Variants in NECAB2 observed in about 807,000 individuals in gnomAD.
The protein encoded by NECAB2 is N-terminal EF-hand calcium-binding protein 2.
A neutral mutation model predicts 51.9 loss-of-function variants in NECAB2; 68 were observed. That is an observed-to-expected ratio of 1.31 (90% CI 1.08 to 1.60). The LOEUF is 1.60. Ranked by LOEUF, NECAB2 falls within the 40% of genes most tolerant of loss-of-function variation. NECAB2 has a pLI of 0.00. For synonymous variants in NECAB2, 329 were observed against 203.5 expected, an observed-to-expected ratio of 1.62 and a Z score of -5.25; for missense variants, 854 against 490.3, an observed-to-expected ratio of 1.74 and a Z score of -7.00.
Position 83,988,519 on chromosome 16 carries a change from A to G in NECAB2, c.460-1975A>G, listed in dbSNP as rs1489800862. 2.6e-5 allele frequency among the ~76,000 whole-genome samples: 4 copies of G among 152,202 alleles called. No individual in the cohort carries two copies. The East Asian group carries it at 5.8e-4, about 22-fold the overall frequency. On this transcript the variant is annotated intron_variant, in intron 5 of 12. Transcript: ENST00000305202. ...CCAATATAGTTGAAATTAAACCATT[A>G]GTGGTTAATGTTTTTATTTCCTAAC... is the stretch of plus-strand genomic sequence containing the variant.
intron 5 of NECAB2, among the ~76,000 whole-genome samples, chr16:83,982,524 G>A (rs1385515799): frequency 2.0e-5 from 3 of 152,194 alleles, no homozygotes; most frequent in African/African-American, 7.2e-5. Context: ...CAAACAGGCT[G>A]TGTGAGGTCA....
intron 2 of NECAB2, 31 bp downstream of exon 2, chr16:83,972,206 C>G (rs373121109): frequency 1.9e-6 from 3 of 1,613,456 alleles, no homozygotes; most frequent in African/African-American, 2.7e-5. Flanking sequence ...GACGGCCGCC[C>G]CACTCCTTCT....
At chr16:84,001,667 G>C (rs1297065073) in intron 11 of NECAB2, among the ~76,000 whole-genome samples, 158 bp from the exon 12 acceptor site, 1 of 104,358 alleles carries the variant, frequency 9.6e-6, no homozygotes, top group Admixed American at 8.0e-5. Flanking sequence ...CAGCCTCCCT[G>C]GGCACCCCCT....
intron 12 of NECAB2, among the ~76,000 whole-genome samples, 161 bp downstream of exon 12, chr16:84,002,077 C>G (rs2151105083): frequency 6.6e-6 from 1 of 152,278 alleles, no homozygotes; most frequent in South Asian, 2.1e-4. Flanking sequence ...TGAGGTGGCC[C>G]CACATACAGG....
intron 5 of NECAB2, among the ~76,000 whole-genome samples, chr16:83,989,896 C>T (rs981556462): frequency 6.6e-6 from 1 of 152,192 alleles, no homozygotes; most frequent in African/African-American, 2.4e-5. Flanking sequence ...CTGGCCACCT[C>T]CTTTTGATTA....
intron 1 of NECAB2, among the ~76,000 whole-genome samples, chr16:83,969,464 G>C (rs939886984): frequency 6.6e-6 from 1 of 151,786 alleles, no homozygotes; most frequent in African/African-American, 2.4e-5. Flanking sequence ...GTACCCCTCT[G>C]GTCTTCCCCA....
Position 84,000,766 on chromosome 16 carries a change from C to CTA in NECAB2, c.1007_1008dup (p.Glu337MetfsTer30). The CTA allele has an allele frequency of 6.2e-7, 1 of 1,613,858 alleles. No homozygotes were observed. Among genetic ancestry groups the CTA allele is most frequent in the Non-Finnish European group, 8.5e-7 (1 of 1,179,998 alleles). The stretch of plus-strand genomic sequence containing the variant: ...TCTCAGATGGCTTCACCTTTGTCAT[C>CTA]TATGAGTTCTGGGAGACAGAGGAGG... On this transcript the variant is annotated frameshift_variant, in exon 11 of 13. Coordinates refer to ENST00000305202, the MANE Select transcript of NECAB2 (RefSeq NM_019065.3). LOFTEE classifies it high-confidence loss of function.
At chr16:83,975,841 T>C (rs2084402235) in intron 2 of NECAB2, among the ~76,000 whole-genome samples, 1 of 152,196 alleles carries the variant, frequency 6.6e-6, no homozygotes, top group South Asian at 2.1e-4. Context: ...GCTTGGGGTC[T>C]CTGGCAAAAG....
At chr16:83,983,293 G>A (rs2084512131) in intron 5 of NECAB2, among the ~76,000 whole-genome samples, 1 of 152,148 alleles carries the variant, frequency 6.6e-6, no homozygotes, top group Non-Finnish European at 1.5e-5. Flanking sequence ...TATTAAGAGT[G>A]CCGTTGTCTC....
chr16:83,987,363 A>C (rs1477888543), intron 5 of NECAB2, among the ~76,000 whole-genome samples: 2 of 152,122 alleles, frequency 1.3e-5, no homozygotes, highest in African/African-American at 2.4e-5. Flanking sequence ...TTGTGTTTCT[A>C]ATGGTTTTCC....
In NECAB2 at chr16:84,001,824, G is replaced by A. The variant is rs780005521; in HGVS notation, c.1041-1G>A. ...GACTCACACATGTCCCTGCGTCACA[G>A]GCACCTGCAGAGCCCCCTGTGTAAG... On this transcript the variant is annotated splice_acceptor_variant, in intron 11 of 12. Coordinates refer to ENST00000305202, the MANE Select transcript of NECAB2 (RefSeq NM_019065.3). LOFTEE classifies it high-confidence loss of function. The A allele has an allele frequency of 3.8e-5, 61 of 1,613,872 alleles. No homozygotes were observed. The highest frequency in any genetic ancestry group is 5.2e-5 in the Non-Finnish European group (61 of 1,179,922).
At chr16:83,998,828 G>A (rs2084762143) in intron 10 of NECAB2, among the ~76,000 whole-genome samples, 1 of 150,324 alleles carries the variant, frequency 6.7e-6, no homozygotes. Context: ...GAGATGTCCA[G>A]GGCGGGGCAA....
chr16:83,991,060 C>T lies in NECAB2; in HGVS notation c.596+430C>T, dbSNP rs59435296. Among the ~76,000 whole-genome samples, 1,251 of 152,280 alleles carry T rather than the reference C, an allele frequency of 8.2e-3. 17 individuals are homozygous for T. The highest frequency in any genetic ancestry group is 0.029 in the African/African-American group (1,200 of 41,558). ...GCAGTGGCGTGATTTTGGCTCACTA[C>T]AACCTCTCCCTCCCTGGGTTCAAGC... On this transcript the variant is annotated intron_variant, in intron 6 of 12. Coordinates refer to ENST00000305202, the MANE Select transcript of NECAB2 (RefSeq NM_019065.3).
intron 10 of NECAB2, among the ~76,000 whole-genome samples, 171 bp from the exon 11 acceptor site, chr16:84,000,553 A>T (rs565712684): frequency 2.4e-4 from 36 of 152,338 alleles, no homozygotes; most frequent in African/African-American, 7.9e-4. Flanking sequence ...GCCAGGCCTT[A>T]TTCCCTGTGC....
rs968981580 is a variant in NECAB2, at chr16:83,968,525, C to T, written c.-124C>T. On this transcript the variant is annotated 5_prime_UTR_variant, in exon 1 of 13. Transcript: ENST00000305202. ...CGGCCAGTCCCCGCGGTGTCCGCGG[C>T]CGCGGGGGCAGCGGGAGAGAGGGCG... 12 of 814,288 alleles carry T rather than the reference C, an allele frequency of 1.5e-5. No individual in the cohort carries two copies. Among genetic ancestry groups the T allele is most frequent in the Non-Finnish European group, 1.6e-5 (11 of 676,958 alleles). The allele number at this position is 814,288 out of a possible 1,614,324, so 50.4% of individuals were successfully genotyped here.
rs2084313484 is a variant in NECAB2, at chr16:83,968,572, G to A, written c.-77G>A. ...GGCGGGGCGGCGCGGGCAGCGCGGGGAGGGGGTCGCGCGGGGGCGGGCCGC... is the reference window on the plus strand; with the variant it reads ...GGCGGGGCGGCGCGGGCAGCGCGGGAAGGGGGTCGCGCGGGGGCGGGCCGC... On this transcript the variant is annotated 5_prime_UTR_variant, in exon 1 of 13. Transcript: ENST00000305202. The A allele has an allele frequency of 1.0e-6, 1 of 958,976 alleles. No homozygotes were observed. The highest frequency in any genetic ancestry group is 4.6e-5 in the South Asian group (1 of 21,576). The allele number at this position is 958,976 out of a possible 1,614,324, so 59.4% of individuals were successfully genotyped here. A position where few individuals can be genotyped will look rare whatever the true frequency, so the allele number is the denominator to read the frequency against.
intron 1 of NECAB2, among the ~76,000 whole-genome samples, chr16:83,970,592 C>A (rs192203085): frequency 5.3e-5 from 8 of 152,160 alleles, no homozygotes; most frequent in Non-Finnish European, 1.2e-4. Context: ...GTCCTTTACC[C>A]CAAGGCGAGG....
chr16:83,968,710 C>T lies in NECAB2; in HGVS notation c.62C>T (p.Pro21Leu). 9.9e-7 allele frequency: 1 copy of T among 1,009,800 alleles called. No individual in the cohort carries two copies. Among genetic ancestry groups the T allele is most frequent in the Non-Finnish European group, 1.2e-6 (1 of 848,238 alleles). 62.6% of individuals were successfully genotyped at this position (1,009,800 alleles called of 1,614,324 possible). A position where few individuals can be genotyped will look rare whatever the true frequency, so the allele number is the denominator to read the frequency against. ...GCGCACAGGCTGCTCCGGGAGCCGCCGCAGCAGGGCCGGGCGCTGGGCGGG... is the reference window on the plus strand; with the variant it reads ...GCGCACAGGCTGCTCCGGGAGCCGCTGCAGCAGGGCCGGGCGCTGGGCGGG... ...AGAHRLLREP[P>L]QQGRALGGLL... The change falls in exon 1 of 13, where the codon CCG (proline) becomes CTG (leucine). Residue 21 changes from proline to leucine, a missense_variant. Transcript: ENST00000305202.
chr16:83,981,858 G>A (rs1040705200), intron 5 of NECAB2, among the ~76,000 whole-genome samples: 2 of 152,142 alleles, frequency 1.3e-5, no homozygotes, highest in Non-Finnish European at 2.9e-5. Context: ...ACCCACAGGT[G>A]CTCGAGGCAG....
Sources: gnomAD v4.1 joint callset for allele counts (sites outside exome capture counted in the v4.1 genomes callset) on GRCh38, gnomAD v4.1.1 for gene constraint, MANE v1.5 for transcripts, NCBI Gene and HGNC (gene_info 2026-07-23, HGNC 2026-07-21) for gene names.